The following POLN variants were observed in gnomAD, a reference collection of about 807,000 sequenced individuals.
POLN encodes the protein DNA polymerase nu.
In POLN, 108 loss-of-function variants were observed where a neutral mutation model predicts 113.5. The observed-to-expected ratio is 0.95, with a 90% CI of 0.81 to 1.12. The LOEUF (loss-of-function observed/expected upper bound fraction) is 1.12, where lower values mean the gene tolerates loss of function less well. POLN is among the 50% of genes most tolerant of loss of function. The pLI is 0.00. For synonymous variants in POLN, 386 were observed against 391.5 expected, an observed-to-expected ratio of 0.99 and a Z score of 0.17; for missense variants, 1,097 against 1,077.1, an observed-to-expected ratio of 1.02 and a Z score of -0.26.
chr4:2,078,917 G>T, intron 23 of POLN: 1 of 985,242 alleles, frequency 1.0e-6, no homozygotes, highest in Non-Finnish European at 1.2e-6. Context: ...ATTCCACAAG[G>T]GCTGAAAGTG....
intron 7 of POLN, among the ~76,000 whole-genome samples, chr4:2,189,467 G>T (rs548167576): frequency 6.6e-6 from 1 of 151,016 alleles, no homozygotes; most frequent in East Asian, 2.0e-4. Context: ...GTGAAACCCC[G>T]TCTCTACCAA....
intron 13 of POLN, among the ~76,000 whole-genome samples, chr4:2,163,516 G>A (rs536318311): frequency 9.8e-5 from 15 of 152,344 alleles, no homozygotes; most frequent in Admixed American, 3.3e-4. Context: ...GCTCTGCGCC[G>A]GCTGCAGACA....
chr4:2,199,352 A>G (rs1577764645), intron 5 of POLN, among the ~76,000 whole-genome samples: 1 of 152,320 alleles, frequency 6.6e-6, no homozygotes, highest in South Asian at 2.1e-4. Flanking sequence ...TTTGTCCTTT[A>G]TCCCCAAGTT....
At position 2,098,918 on chromosome 4, in the gene POLN, GCACA is replaced by G. The variant is rs4031130; in HGVS notation, c.1983-2989_1983-2986del. ...TGTGTGTGCACATGCACGTGCGTGCGCACACACACACACACACACACACACACTG... is the reference window on the plus strand; with the variant it reads ...TGTGTGTGCACATGCACGTGCGTGCGCACACACACACACACACACACACTG... On this transcript the variant is annotated intron_variant, in intron 19 of 25. Coordinates refer to ENST00000511885, the MANE Select transcript of POLN (RefSeq NM_181808.4). 6.2e-3 allele frequency among the ~76,000 whole-genome samples: 927 copies of G among 149,494 alleles called. 4 individuals are homozygous for G. The highest frequency in any genetic ancestry group is 9.7e-3 in the African/African-American group (398 of 40,952).
intron 23 of POLN, among the ~76,000 whole-genome samples, chr4:2,075,774 G>A (rs1730260958): frequency 1.3e-5 from 2 of 152,250 alleles, no homozygotes; most frequent in African/African-American, 4.8e-5. Flanking sequence ...CAGCTCTGGG[G>A]AGCTGGGAGA....
chr4:2,086,446 A>T (rs575035078), intron 20 of POLN, among the ~76,000 whole-genome samples: 1 of 152,058 alleles, frequency 6.6e-6, no homozygotes, highest in Non-Finnish European at 1.5e-5. Flanking sequence ...GGCCCTGGGG[A>T]TGTTGCCTGA....
intron 4 of POLN, among the ~76,000 whole-genome samples, chr4:2,212,157 T>G (rs1734009219): frequency 6.6e-6 from 1 of 152,184 alleles, no homozygotes; most frequent in Admixed American, 6.5e-5. Context: ...GTCCATTCTC[T>G]TAACCACTAT....
intron 20 of POLN, among the ~76,000 whole-genome samples, chr4:2,092,379 T>C (rs1448382113): frequency 1.3e-5 from 2 of 152,240 alleles, no homozygotes; most frequent in African/African-American, 4.8e-5. Context: ...GGCAGGTTCC[T>C]GCTGGGCTCA....
chr4:2,114,350 AT>A (rs1293323307), intron 19 of POLN, among the ~76,000 whole-genome samples: 2 of 152,196 alleles, frequency 1.3e-5, no homozygotes, highest in African/African-American at 4.8e-5. Context: ...CTTCCTGAAG[AT>A]CCAGGGTTTT....
At chr4:2,209,756 G>A (rs985792265) in intron 4 of POLN, among the ~76,000 whole-genome samples, 6 of 138,900 alleles carry the variant, frequency 4.3e-5, no homozygotes, top group East Asian at 2.4e-4. Context: ...CCATGTCCCC[G>A]GCTCAAGTAA....
chr4:2,114,141 C>T (rs1731264002), intron 19 of POLN, among the ~76,000 whole-genome samples: 1 of 151,866 alleles, frequency 6.6e-6, no homozygotes. Context: ...TCAAGTGACC[C>T]TCCCACCTTA....
intron 2 of POLN, among the ~76,000 whole-genome samples, chr4:2,235,412 T>C (rs1734725673): frequency 6.6e-6 from 1 of 152,222 alleles, no homozygotes; most frequent in Non-Finnish European, 1.5e-5. Flanking sequence ...ACTGGAATTG[T>C]GCAGCTGTGA....
intron 16 of POLN, among the ~76,000 whole-genome samples, chr4:2,136,687 G>A (rs1233960004): frequency 1.3e-5 from 2 of 152,246 alleles, no homozygotes; most frequent in Non-Finnish European, 2.9e-5. Context: ...TGAAGGGGTT[G>A]CGCCCAGGAG....
intron 3 of POLN, among the ~76,000 whole-genome samples, chr4:2,227,118 C>T (rs146915317): frequency 6.6e-6 from 1 of 152,298 alleles, no homozygotes; most frequent in East Asian, 1.9e-4. Context: ...CAACAGAACA[C>T]ACCAAAGGCA....
intron 23 of POLN, chr4:2,080,572 T>G (rs13113281): frequency 5.4e-6 from 5 of 924,014 alleles, no homozygotes; most frequent in Non-Finnish European, 6.2e-6. Context: ...CTGCCTGGCA[T>G]TGGTGGCAGC....
chr4:2,221,677 G>A (rs1734256446), intron 3 of POLN, among the ~76,000 whole-genome samples: 1 of 152,172 alleles, frequency 6.6e-6, no homozygotes, highest in African/African-American at 2.4e-5. Context: ...CCTGGTTCAA[G>A]GGATTCTCCT....
At chr4:2,079,709 T>G in intron 23 of POLN, 2 of 800,710 alleles carry the variant, frequency 2.5e-6, no homozygotes, top group Non-Finnish European at 3.0e-6. Context: ...CTCAGCCTCC[T>G]GAGTAGCTGG....
chr4:2,155,875 C>T (rs1222056486), intron 16 of POLN, among the ~76,000 whole-genome samples: 1 of 151,900 alleles, frequency 6.6e-6, no homozygotes, highest in East Asian at 1.9e-4. Context: ...CGCTCTGTCA[C>T]CCAGGCTGGA....
chr4:2,110,355 C>T (rs1408101728), intron 19 of POLN, among the ~76,000 whole-genome samples: 3 of 152,068 alleles, frequency 2.0e-5, no homozygotes, highest in African/African-American at 7.2e-5. Context: ...CAAACACATT[C>T]AAAAGCTAGC....
Sources: gnomAD v4.1 joint callset for allele counts (sites outside exome capture counted in the v4.1 genomes callset) on GRCh38, gnomAD v4.1.1 for gene constraint, MANE v1.5 for transcripts, NCBI Gene and HGNC (gene_info 2026-07-23, HGNC 2026-07-21) for gene names.